EMID1: variants seen among roughly 807,000 people sequenced by gnomAD.
The protein encoded by EMID1 is EMI domain containing 1, also known as EMI domain-containing protein 1.
EMID1 carries 40 observed loss-of-function variants against 60.6 expected under a neutral mutation model. The observed-to-expected ratio is 0.66, with a 90% confidence interval of 0.51 to 0.86. EMID1 has a LOEUF of 0.86. Ranked by LOEUF, EMID1 falls within the 40% of genes least tolerant of loss-of-function variation. EMID1 has a pLI of 0.00. For synonymous variants in EMID1, 242 were observed against 231.0 expected, an observed-to-expected ratio of 1.05 and a Z score of -0.43; for missense variants, 585 against 597.1, an observed-to-expected ratio of 0.98 and a Z score of 0.21.
intron 12 of EMID1, among the ~76,000 whole-genome samples, chr22:29,240,698 C>T (rs536569515): frequency 2.0e-5 from 3 of 152,324 alleles, no homozygotes; most frequent in Admixed American, 6.5e-5. Context: ...ATGCGCTTGA[C>T]GCATCGCATT....
At chr22:29,214,760 C>T (rs890152924) in intron 1 of EMID1, among the ~76,000 whole-genome samples, 166 bp from the exon 2 acceptor site, 2 of 152,114 alleles carry the variant, frequency 1.3e-5, no homozygotes, top group Non-Finnish European at 2.9e-5. Flanking sequence ...CACAGGGACT[C>T]CCCCCAGCCA....
chr22:29,208,751 G>A (rs1164381695), intron 1 of EMID1, among the ~76,000 whole-genome samples: 1 of 152,206 alleles, frequency 6.6e-6, no homozygotes, highest in Non-Finnish European at 1.5e-5. Flanking sequence ...TGTGAAGAAG[G>A]TACTGTGCTG....
chr22:29,246,186 C>T (rs2041325584), intron 13 of EMID1, among the ~76,000 whole-genome samples: 3 of 152,148 alleles, frequency 2.0e-5, no homozygotes, highest in Admixed American at 1.3e-4. Flanking sequence ...GAGGGAGCCT[C>T]GGATATTTGA....
chr22:29,252,056 A>T (rs1339383336), intron 13 of EMID1, among the ~76,000 whole-genome samples: 1 of 152,178 alleles, frequency 6.6e-6, no homozygotes, highest in Non-Finnish European at 1.5e-5. Context: ...TGATGCTCCC[A>T]CTTTGGCCTC....
At chr22:29,254,998 G>A (rs17526034) in intron 14 of EMID1, among the ~76,000 whole-genome samples, 8,394 of 151,466 alleles carry the variant, frequency 0.055, 343 homozygotes, top group Non-Finnish European at 0.074. Context: ...AACCTGTTCT[G>A]TTGGTCCCTT....
chr22:29,231,328 C>A, intron 6 of EMID1, 188 bp downstream of exon 6: 1 of 959,848 alleles, frequency 1.0e-6, no homozygotes, highest in Non-Finnish European at 1.5e-6. Context: ...TGCTGCAGTC[C>A]CTGGAGACCA....
chr22:29,207,096 C>A (rs1463142828), intron 1 of EMID1, among the ~76,000 whole-genome samples: 1 of 152,240 alleles, frequency 6.6e-6, no homozygotes, highest in Non-Finnish European at 1.5e-5. Flanking sequence ...CCACCCCCTA[C>A]GGCCTCAATT....
intron 1 of EMID1, among the ~76,000 whole-genome samples, chr22:29,208,031 C>T (rs2039740131): frequency 6.6e-6 from 1 of 152,222 alleles, no homozygotes; most frequent in Non-Finnish European, 1.5e-5. Flanking sequence ...CAGTTTCCTT[C>T]TTTCCTCGTG....
intron 3 of EMID1, among the ~76,000 whole-genome samples, chr22:29,218,133 C>G (rs2040153560): frequency 6.6e-6 from 1 of 152,254 alleles, no homozygotes; most frequent in Non-Finnish European, 1.5e-5. Context: ...ATGGTAGATG[C>G]TCCGCAAATG....
In EMID1 at chr22:29,206,000, G is replaced by T; in HGVS notation, c.-39G>T. The T allele has an allele frequency of 8.5e-7, 1 of 1,173,330 alleles. No homozygotes were observed. Among genetic ancestry groups the T allele is most frequent in the South Asian group, 4.2e-5 (1 of 23,620 alleles). 72.7% of individuals were successfully genotyped at this position (1,173,330 alleles called of 1,614,324 possible). A position where few individuals can be genotyped will look rare whatever the true frequency, so the allele number is the denominator to read the frequency against. On this transcript the variant is annotated 5_prime_UTR_variant, in exon 1 of 15. Coordinates refer to ENST00000334018, the MANE Select transcript of EMID1 (RefSeq NM_133455.4). ...GCGGGGAGGACAGGCTGGGGGCGGC[G>T]ACCGCGAGGGGCCGCGCGCGGAGGG...
chr22:29,210,733 T>C (rs1055748125), intron 1 of EMID1, among the ~76,000 whole-genome samples: 3 of 152,204 alleles, frequency 2.0e-5, no homozygotes, highest in African/African-American at 7.2e-5. Context: ...CTGTTTTTTT[T>C]CTCTAGCTCC....
chr22:29,258,806 C>T lies in EMID1; in HGVS notation c.1205-11C>T, dbSNP rs367757486. The T allele has an allele frequency of 5.6e-6, 9 of 1,612,738 alleles. No homozygotes were observed. The highest frequency in any genetic ancestry group is 3.3e-5 in the South Asian group (3 of 91,046). On this transcript the variant is annotated splice_polypyrimidine_tract_variant and intron_variant, in intron 14 of 14. Coordinates refer to ENST00000334018, the MANE Select transcript of EMID1 (RefSeq NM_133455.4). ...CTCTAATGTGGCCTCTCTCCTTCTT[C>T]CCTCCGGCAGAACCAGAGCTGGGGT...
At chr22:29,211,071 A>G (rs1269223719) in intron 1 of EMID1, among the ~76,000 whole-genome samples, 1 of 152,150 alleles carries the variant, frequency 6.6e-6, no homozygotes, top group African/African-American at 2.4e-5. Context: ...ATATGCGTCC[A>G]TGCGAGAGGG....
intron 5 of EMID1, among the ~76,000 whole-genome samples, chr22:29,230,288 G>A (rs1047799028): frequency 2.6e-5 from 4 of 151,732 alleles, no homozygotes; most frequent in East Asian, 1.9e-4. Flanking sequence ...AGCCGAGATC[G>A]TGCCACTACA....
At chr22:29,210,942 T>C (rs968939916) in intron 1 of EMID1, among the ~76,000 whole-genome samples, 9 of 151,388 alleles carry the variant, frequency 5.9e-5, no homozygotes, top group African/African-American at 1.9e-4. Context: ...TTCACCTGTT[T>C]GTGTACATGT....
chr22:29,213,454 C>A (rs1190359087), intron 1 of EMID1, among the ~76,000 whole-genome samples: 1 of 152,194 alleles, frequency 6.6e-6, no homozygotes, highest in African/African-American at 2.4e-5. Flanking sequence ...CCTCTTCCAG[C>A]ACTGATTCTG....
chr22:29,224,696 T>C (rs1025520347), intron 3 of EMID1, among the ~76,000 whole-genome samples: 29 of 152,204 alleles, frequency 1.9e-4, no homozygotes, highest in African/African-American at 6.5e-4. Flanking sequence ...AGTGGGCCCT[T>C]TGCATTCATG....
At chr22:29,218,460 TG>T (rs747266636) in intron 3 of EMID1, among the ~76,000 whole-genome samples, 1 of 151,092 alleles carries the variant, frequency 6.6e-6, no homozygotes, top group Admixed American at 6.6e-5. Flanking sequence ...CTCAGAGAGG[TG>T]ATGGGACTGG....
chr22:29,211,810 C>G (rs1422380300), intron 1 of EMID1, among the ~76,000 whole-genome samples: 2 of 152,256 alleles, frequency 1.3e-5, no homozygotes, highest in Non-Finnish European at 2.9e-5. Flanking sequence ...ACTCACGAAG[C>G]CCCTGGGCCA....
Sources: allele counts gnomAD v4.1 joint callset (sites outside exome capture counted in the v4.1 genomes callset), GRCh38; gene constraint gnomAD v4.1.1; transcripts MANE v1.5; gene names NCBI Gene and HGNC (gene_info 2026-07-23, HGNC 2026-07-21).